The following EXOC4 variants were observed in gnomAD, a reference collection of about 807,000 sequenced individuals.
EXOC4 encodes SEC8-like 1.
In EXOC4, 71 loss-of-function variants were observed where a neutral mutation model predicts 107.2. The observed-to-expected ratio is 0.66, with a 90% CI of 0.55 to 0.81. The LOEUF (loss-of-function observed/expected upper bound fraction) is 0.81. Among genes scored for constraint, EXOC4 ranks in the 30% least tolerant of loss-of-function variants. The pLI is 0.00. For synonymous variants in EXOC4, 456 were observed against 441.2 expected, an observed-to-expected ratio of 1.03 and a Z score of -0.42; for missense variants, 1,108 against 1,189.6, an observed-to-expected ratio of 0.93 and a Z score of 1.01.
At chr7:133,370,066 A>G (rs892072927) in intron 6 of EXOC4, among the ~76,000 whole-genome samples, 1 of 152,070 alleles carries the variant, frequency 6.6e-6, no homozygotes, top group African/African-American at 2.4e-5. Flanking sequence ...TGCTGGGATT[A>G]CAGGCGTGAG....
At chr7:133,764,162 T>C (rs1398467838) in intron 10 of EXOC4, among the ~76,000 whole-genome samples, 1 of 152,040 alleles carries the variant, frequency 6.6e-6, no homozygotes, top group Non-Finnish European at 1.5e-5. Flanking sequence ...ATTCATTTTA[T>C]TTTTCCTCCC....
intron 10 of EXOC4, among the ~76,000 whole-genome samples, chr7:133,774,059 T>G (rs970571356): frequency 1.3e-5 from 2 of 152,080 alleles, no homozygotes; most frequent in African/African-American, 4.8e-5. Context: ...TTATTCTCTG[T>G]GCAAAATAAA....
At chr7:133,740,947 G>A (rs973830445) in intron 10 of EXOC4, among the ~76,000 whole-genome samples, 1 of 152,178 alleles carries the variant, frequency 6.6e-6, no homozygotes, top group African/African-American at 2.4e-5. Context: ...GTCTGTTACA[G>A]TGAGACCCTA....
At chr7:133,786,919 C>A (rs559291318) in intron 10 of EXOC4, among the ~76,000 whole-genome samples, 1 of 152,308 alleles carries the variant, frequency 6.6e-6, no homozygotes, top group East Asian at 1.9e-4. Context: ...TTGTAGAAAA[C>A]ATAAGGAAGT....
At chr7:133,904,210 A>G (rs1270145893) in intron 12 of EXOC4, among the ~76,000 whole-genome samples, 1 of 152,186 alleles carries the variant, frequency 6.6e-6, no homozygotes, top group African/African-American at 2.4e-5. Context: ...TTTGAAGAAA[A>G]GGACTTGGGA....
At chr7:133,995,960 C>A (rs1351920765) in intron 14 of EXOC4, among the ~76,000 whole-genome samples, 1 of 152,074 alleles carries the variant, frequency 6.6e-6, no homozygotes, top group Non-Finnish European at 1.5e-5. Context: ...TCCCATGTTC[C>A]CTAAGTCCAG....
At chr7:134,001,279 C>T (rs1441715916) in intron 15 of EXOC4, among the ~76,000 whole-genome samples, 2 of 152,164 alleles carry the variant, frequency 1.3e-5, no homozygotes, top group African/African-American at 4.8e-5. Flanking sequence ...GTAGGTTCAA[C>T]AGCAACTGCC....
chr7:133,277,564 G>A (rs1433603493), intron 2 of EXOC4, among the ~76,000 whole-genome samples: 3 of 152,134 alleles, frequency 2.0e-5, no homozygotes, highest in Non-Finnish European at 2.9e-5. Context: ...TAGTAGCCAC[G>A]TTTCTTACCA....
chr7:133,489,862 G>A (rs985189586), intron 9 of EXOC4, among the ~76,000 whole-genome samples: 1 of 152,154 alleles, frequency 6.6e-6, no homozygotes, highest in Non-Finnish European at 1.5e-5. Context: ...AATTCATAGA[G>A]TCCCTGATAT....
the EXOC4 span, among the ~76,000 whole-genome samples, chr7:134,085,489 C>G: frequency 6.6e-6 from 1 of 152,138 alleles, no homozygotes; most frequent in Non-Finnish European, 1.5e-5. Context: ...CTCCTCACTC[C>G]CACTCTGCAG....
intron 10 of EXOC4, among the ~76,000 whole-genome samples, chr7:133,759,951 G>A (rs1795999248): frequency 1.3e-5 from 2 of 152,216 alleles, no homozygotes; most frequent in Non-Finnish European, 2.9e-5. Flanking sequence ...GAACTGAGAA[G>A]GAACAGTGTG....
chr7:133,631,061 T>C (rs1234559921), intron 10 of EXOC4, among the ~76,000 whole-genome samples: 7 of 152,144 alleles, frequency 4.6e-5, no homozygotes, highest in Non-Finnish European at 1.0e-4. Flanking sequence ...GTAAATGTAA[T>C]GTTATGTATT....
intron 10 of EXOC4, among the ~76,000 whole-genome samples, chr7:133,780,016 A>C (rs1017697784): frequency 2.2e-4 from 33 of 152,212 alleles, no homozygotes; most frequent in African/African-American, 8.0e-4. Flanking sequence ...ACCGGAAGGA[A>C]CAAACTCGGG....
intron 11 of EXOC4, among the ~76,000 whole-genome samples, chr7:133,848,428 ATAT>A (rs1315813830): frequency 3.3e-5 from 5 of 152,220 alleles, no homozygotes; most frequent in Non-Finnish European, 7.3e-5. Flanking sequence ...AAGGGACATC[ATAT>A]TATGACTTTC....
chr7:133,479,862 G>C (rs1175725351), intron 8 of EXOC4, among the ~76,000 whole-genome samples, 188 bp from the exon 9 acceptor site: 1 of 152,232 alleles, frequency 6.6e-6, no homozygotes, highest in African/African-American at 2.4e-5. Context: ...CCTTAGCCAG[G>C]AATATCGCTC....
downstream of EXOC4, among the ~76,000 whole-genome samples, chr7:134,067,634 TATATAC>T (rs1185536723): frequency 7.3e-3 from 975 of 133,808 alleles, 16 homozygotes; most frequent in African/African-American, 0.024. Flanking sequence ...CTTATATATA[TATATAC>T]ACACACACAC....
chr7:133,289,187 A>C (rs1172108143), intron 3 of EXOC4, 71 bp downstream of exon 3: 4 of 1,346,532 alleles, frequency 3.0e-6, no homozygotes, highest in African/African-American at 2.9e-5. Context: ...TTCTCTCTGA[A>C]TCCTGTAATG....
chr7:133,487,194 C>A (rs1407727167), intron 9 of EXOC4, among the ~76,000 whole-genome samples: 1 of 152,082 alleles, frequency 6.6e-6, no homozygotes, highest in East Asian at 1.9e-4. Context: ...ATCACAAAGC[C>A]GATTACTCAG....
rs377074958 is a variant in EXOC4, at chr7:133,622,581, TC to T, written c.1418-7458del. On this transcript the variant is annotated intron_variant, in intron 9 of 17. Transcript: ENST00000253861. ...TTCAGTTGGACCACTAAATGTGTTT[TC>T]CCCCCAAACGTTGCATACATGATCA... Among the ~76,000 whole-genome samples the T allele has an allele frequency of 8.5e-5, 13 of 152,186 alleles. 1 individual carries two copies. Among genetic ancestry groups the T allele is most frequent in the African/African-American group, 3.1e-4 (13 of 41,528 alleles).
Sources: gnomAD v4.1 joint callset for allele counts (sites outside exome capture counted in the v4.1 genomes callset) on GRCh38, gnomAD v4.1.1 for gene constraint, MANE v1.5 for transcripts, NCBI Gene and HGNC (gene_info 2026-07-23, HGNC 2026-07-21) for gene names.